Variants in CNTN4 observed in about 807,000 individuals in gnomAD.
CNTN4 encodes the protein contactin-4.
CNTN4 carries 77 observed loss-of-function variants against 122.5 expected under a neutral mutation model. The ratio of observed to expected loss-of-function variants is 0.63; its 90% CI spans 0.52 to 0.76. CNTN4 has a LOEUF of 0.76. Ranked by LOEUF, CNTN4 falls within the 30% of genes least tolerant of loss-of-function variation. The pLI is 0.00. For missense variants in CNTN4, 1,256 were observed against 1,259.1 expected, an observed-to-expected ratio of 1.00 and a Z score of 0.04; for synonymous variants, 512 against 447.0, an observed-to-expected ratio of 1.15 and a Z score of -1.83.
chr3:2,939,394 G>A (rs567692544), intron 13 of CNTN4, among the ~76,000 whole-genome samples: 1 of 152,004 alleles, frequency 6.6e-6, no homozygotes, highest in South Asian at 2.1e-4. Context: ...TATGGGCATG[G>A]GTGTTAATGT....
At chr3:2,796,679 G>A (rs754285972) in intron 6 of CNTN4, among the ~76,000 whole-genome samples, 5 of 152,098 alleles carry the variant, frequency 3.3e-5, no homozygotes, top group Non-Finnish European at 7.3e-5. Flanking sequence ...ATTTTTCTTT[G>A]AGACTTATCG....
chr3:2,548,012 T>C (rs1322230099), intron 3 of CNTN4, among the ~76,000 whole-genome samples: 2 of 152,200 alleles, frequency 1.3e-5, no homozygotes. Context: ...GTTTTATTCT[T>C]GTAAATTTGT....
chr3:2,624,224 C>T (rs1413771647), intron 4 of CNTN4, among the ~76,000 whole-genome samples: 1 of 152,048 alleles, frequency 6.6e-6, no homozygotes, highest in African/African-American at 2.4e-5. Context: ...AAATACTATC[C>T]TGAAAAAGCA....
intron 8 of CNTN4, among the ~76,000 whole-genome samples, chr3:2,877,832 A>G (rs4637279): frequency 0.27 from 40,414 of 152,106 alleles, 5,472 homozygotes; most frequent in Middle Eastern, 0.36. Flanking sequence ...GGGGCCTTTC[A>G]TTTCTTACAA....
chr3:2,276,080 G>A (rs976254926), intron 2 of CNTN4, among the ~76,000 whole-genome samples: 9 of 151,836 alleles, frequency 5.9e-5, no homozygotes, highest in South Asian at 2.1e-4. Context: ...TTGAAAAAAC[G>A]TATATATGCA....
At chr3:2,452,677 C>G (rs376828700) in intron 3 of CNTN4, among the ~76,000 whole-genome samples, 1 of 152,092 alleles carries the variant, frequency 6.6e-6, no homozygotes, top group African/African-American at 2.4e-5. Context: ...TCTACCCTTT[C>G]GGAATCAATC....
intron 7 of CNTN4, among the ~76,000 whole-genome samples, chr3:2,860,377 C>T (rs1477146287): frequency 6.6e-6 from 1 of 152,066 alleles, no homozygotes; most frequent in African/African-American, 2.4e-5. Flanking sequence ...TATCTGTCAT[C>T]CCTGCTCTAC....
chr3:2,561,037 G>A (rs573991031), intron 3 of CNTN4, among the ~76,000 whole-genome samples: 6 of 152,272 alleles, frequency 3.9e-5, no homozygotes, highest in African/African-American at 1.4e-4. Flanking sequence ...AGCAAGCTGT[G>A]CGTAATGATG....
chr3:2,848,366 C>T (rs1418020622), intron 7 of CNTN4, among the ~76,000 whole-genome samples: 3 of 152,180 alleles, frequency 2.0e-5, no homozygotes, highest in African/African-American at 7.2e-5. Flanking sequence ...GAGCAGGACT[C>T]ATGGAAGGAC....
intron 2 of CNTN4, among the ~76,000 whole-genome samples, chr3:2,245,908 T>C (rs2040126721): frequency 6.6e-6 from 1 of 152,002 alleles, no homozygotes; most frequent in Non-Finnish European, 1.5e-5. Context: ...TTGAGAATTA[T>C]TCCTTTTCTC....
At chr3:2,924,396 A>G (rs1306969576) in intron 12 of CNTN4, among the ~76,000 whole-genome samples, 2 of 152,144 alleles carry the variant, frequency 1.3e-5, no homozygotes, top group East Asian at 3.9e-4. Context: ...TACATTCAAC[A>G]TGGTCTTAAA....
At chr3:2,549,508 T>G (rs1405469228) in intron 3 of CNTN4, among the ~76,000 whole-genome samples, 1 of 152,180 alleles carries the variant, frequency 6.6e-6, no homozygotes, top group Non-Finnish European at 1.5e-5. Context: ...CATTGATTGA[T>G]TAGCATATGT....
At chr3:2,339,629 A>G (rs1315844430) in intron 3 of CNTN4, among the ~76,000 whole-genome samples, 2 of 152,216 alleles carry the variant, frequency 1.3e-5, no homozygotes, top group Admixed American at 6.5e-5. Flanking sequence ...ACGCAGTCCT[A>G]TAAATACTCA....
At chr3:2,586,342 G>A (rs1041871496) in intron 4 of CNTN4, among the ~76,000 whole-genome samples, 2 of 152,150 alleles carry the variant, frequency 1.3e-5, no homozygotes, top group African/African-American at 2.4e-5. Flanking sequence ...GCCCAGGCTG[G>A]GGTAAAATGG....
chr3:2,674,517 G>A (rs2084723776), intron 4 of CNTN4, among the ~76,000 whole-genome samples: 1 of 152,200 alleles, frequency 6.6e-6, no homozygotes, highest in South Asian at 2.1e-4. Flanking sequence ...AGCACTTTGG[G>A]AGGCTGAGGC....
intron 3 of CNTN4, among the ~76,000 whole-genome samples, chr3:2,389,069 G>A (rs183805629): frequency 1.7e-3 from 258 of 151,946 alleles, no homozygotes; most frequent in African/African-American, 5.8e-3. Context: ...GCTGAGGCAG[G>A]AGAATCTCTT....
intron 13 of CNTN4, among the ~76,000 whole-genome samples, chr3:2,955,595 A>G (rs1180528765): frequency 1.3e-5 from 2 of 152,218 alleles, no homozygotes; most frequent in African/African-American, 2.4e-5. Flanking sequence ...TCGTATAATT[A>G]TCCCTAACTA....
intron 2 of CNTN4, among the ~76,000 whole-genome samples, chr3:2,337,267 A>G (rs2043993860): frequency 6.6e-6 from 1 of 152,292 alleles, no homozygotes; most frequent in African/African-American, 2.4e-5. Context: ...ATGCAATTAC[A>G]AAAATCAAAG....
chr3:2,804,156 G>T (rs559676405), intron 6 of CNTN4, among the ~76,000 whole-genome samples: 3 of 151,824 alleles, frequency 2.0e-5, no homozygotes, highest in African/African-American at 7.3e-5. Context: ...AGCAGTGGGG[G>T]TATAGTCAGG....
Sources: gnomAD v4.1 joint callset for allele counts (sites outside exome capture counted in the v4.1 genomes callset) on GRCh38, gnomAD v4.1.1 for gene constraint, MANE v1.5 for transcripts, NCBI Gene and HGNC (gene_info 2026-07-23, HGNC 2026-07-21) for gene names.